Variants in INSYN2B observed in about 807,000 individuals in gnomAD.
The protein encoded by INSYN2B is protein INSYN2B.
A neutral mutation model predicts 41.2 loss-of-function variants in INSYN2B; 16 were observed. The observed-to-expected ratio is 0.39, with a 90% CI of 0.26 to 0.59. INSYN2B has a LOEUF of 0.59. Ranked by LOEUF, INSYN2B falls within the 20% of genes least tolerant of loss-of-function variation. The pLI, the probability that INSYN2B is intolerant of heterozygous loss-of-function variation, is 0.57. For missense variants in INSYN2B, 608 were observed against 646.4 expected, an observed-to-expected ratio of 0.94 and a Z score of 0.64; for synonymous variants, 245 against 244.4, an observed-to-expected ratio of 1.00 and a Z score of -0.02.
intron 3 of INSYN2B, among the ~76,000 whole-genome samples, chr5:169,876,172 G>T (rs1772322168): frequency 6.6e-6 from 1 of 152,076 alleles, no homozygotes; most frequent in African/African-American, 2.4e-5. Context: ...CTCTTTCTCT[G>T]CGGCCCTTGT....
chr5:169,873,452 A>G (rs1380541623), intron 3 of INSYN2B, among the ~76,000 whole-genome samples: 1 of 152,178 alleles, frequency 6.6e-6, no homozygotes, highest in East Asian at 1.9e-4. Context: ...CTCAGTCCAT[A>G]TTGGAATTTG....
intron 1 of INSYN2B, among the ~76,000 whole-genome samples, chr5:169,965,540 C>T (rs1447489510): frequency 7.2e-5 from 11 of 152,178 alleles, no homozygotes. Flanking sequence ...CCCTTAAGAG[C>T]AGTGGTTCCC....
Position 169,883,325 on chromosome 5 carries a change from A to G in INSYN2B, c.574T>C (p.Trp192Arg). ...GCTGTGGCTTTCTCTAAGGACCTCC[A>G]AGTTCCTGCTTCCAAGCATATGCTA... ...PVSICLEAGT[W>R]RSLEKATAAI... is the part of the protein sequence containing the mutation. Residue 192 changes from tryptophan (W) to arginine (R), a missense_variant, in exon 2 of 4, where the codon TGG becomes CGG. Coordinates refer to ENST00000377365, the MANE Select transcript of INSYN2B (RefSeq NM_001129891.3). 2.6e-6 allele frequency: 4 copies of G among 1,551,622 alleles called. No individual in the cohort carries two copies. The highest frequency in any genetic ancestry group is 3.5e-6 in the Non-Finnish European group (4 of 1,146,930).
chr5:169,957,268 C>T (rs766658119), intron 1 of INSYN2B, among the ~76,000 whole-genome samples: 3 of 152,232 alleles, frequency 2.0e-5, no homozygotes, highest in Non-Finnish European at 4.4e-5. Context: ...TAGCCAGGGA[C>T]TTAACTGCTC....
chr5:169,971,201 G>T (rs139038821), intron 1 of INSYN2B, among the ~76,000 whole-genome samples: 2 of 127,716 alleles, frequency 1.6e-5, no homozygotes, highest in Admixed American at 8.0e-5. Context: ...AAAAAAAAAT[G>T]AGTATGACAT....
chr5:169,907,508 T>G (rs756637072), intron 1 of INSYN2B, among the ~76,000 whole-genome samples: 57 of 152,334 alleles, frequency 3.7e-4, no homozygotes, highest in Middle Eastern at 3.4e-3. Flanking sequence ...TTAATGATAA[T>G]GGTAACCACC....
At chr5:169,958,416 C>T (rs924601264) in intron 1 of INSYN2B, among the ~76,000 whole-genome samples, 4 of 152,152 alleles carry the variant, frequency 2.6e-5, no homozygotes, top group African/African-American at 9.7e-5. Context: ...ACTCCATCAT[C>T]CGAATAACAG....
intron 1 of INSYN2B, among the ~76,000 whole-genome samples, chr5:169,955,390 GGAGA>G (rs139569428): frequency 2.6e-5 from 4 of 151,560 alleles, no homozygotes; most frequent in Non-Finnish European, 4.4e-5. Flanking sequence ...TTAAAGGAAG[GGAGA>G]GAGAGAGAGA....
intron 1 of INSYN2B, among the ~76,000 whole-genome samples, chr5:169,945,684 G>A (rs1033579757): frequency 2.0e-5 from 3 of 152,186 alleles, no homozygotes; most frequent in African/African-American, 4.8e-5. Context: ...GGAGTAGAAC[G>A]GAGGCTGGAT....
At chr5:169,864,494 T>C (rs2113422259) in intron 3 of INSYN2B, 35 bp from the exon 4 acceptor site, 1 of 1,461,144 alleles carries the variant, frequency 6.8e-7, no homozygotes, top group East Asian at 2.5e-5. Flanking sequence ...GGAAAGTGAA[T>C]TCGAATCAGC....
intron 3 of INSYN2B, among the ~76,000 whole-genome samples, chr5:169,877,677 T>G (rs940253496): frequency 1.3e-5 from 2 of 152,096 alleles, no homozygotes; most frequent in African/African-American, 4.8e-5. Flanking sequence ...ATAGATAGAT[T>G]GATATAGATA....
chr5:169,865,012 C>G (rs138938074), intron 3 of INSYN2B, among the ~76,000 whole-genome samples: 67 of 152,332 alleles, frequency 4.4e-4, no homozygotes, highest in Non-Finnish European at 7.5e-4. Flanking sequence ...CTATCATCAT[C>G]ATCATTAACA....
intron 1 of INSYN2B, among the ~76,000 whole-genome samples, chr5:169,911,637 C>A (rs1774605774): frequency 6.6e-6 from 1 of 152,200 alleles, no homozygotes; most frequent in Non-Finnish European, 1.5e-5. Flanking sequence ...ATATTCAATT[C>A]TTTTCTGTCT....
At chr5:169,978,701 C>T (rs1017161738) in intron 1 of INSYN2B, among the ~76,000 whole-genome samples, 4 of 152,012 alleles carry the variant, frequency 2.6e-5, no homozygotes, top group Admixed American at 6.6e-5. Context: ...CCCTACGTCC[C>T]GAAGGGCTGA....
intron 1 of INSYN2B, among the ~76,000 whole-genome samples, chr5:169,890,295 T>G (rs945298535): frequency 6.6e-6 from 1 of 152,210 alleles, no homozygotes; most frequent in Non-Finnish European, 1.5e-5. Context: ...TCCAAAGTCC[T>G]AAGCACAGTG....
intron 1 of INSYN2B, among the ~76,000 whole-genome samples, chr5:169,927,624 T>G (rs971939390): frequency 6.6e-6 from 1 of 152,158 alleles, no homozygotes; most frequent in African/African-American, 2.4e-5. Flanking sequence ...TAGGAAAAAT[T>G]CTTGTTTTTT....
chr5:169,958,962 C>A (rs1191823991), intron 1 of INSYN2B, among the ~76,000 whole-genome samples: 4 of 152,152 alleles, frequency 2.6e-5, no homozygotes, highest in African/African-American at 9.7e-5. Flanking sequence ...GAGGCAGGTT[C>A]CTAGAATCCA....
intron 1 of INSYN2B, among the ~76,000 whole-genome samples, chr5:169,893,624 G>C (rs1773422967): frequency 6.6e-6 from 1 of 152,068 alleles, no homozygotes; most frequent in South Asian, 2.1e-4. Flanking sequence ...GAATAGCTCT[G>C]TGTGTCAGAT....
rs190897680 is a variant in INSYN2B at position 169,894,241 on chromosome 5, G to A, written c.-918-9425C>T. Among the ~76,000 whole-genome samples, 546 of 152,316 alleles carry A rather than the reference G, an allele frequency of 3.6e-3. 4 individuals are homozygous for A. Among genetic ancestry groups the A allele is most frequent in the Non-Finnish European group, 5.8e-3 (394 of 68,034 alleles). ...GAGAGGTGCGAGATTTGCCCAAGAT[G>A]AAGGTGGTCTGGCAGGACCAAAAGG... On this transcript the variant is annotated intron_variant, in intron 1 of 3. Coordinates refer to ENST00000377365, the MANE Select transcript of INSYN2B (RefSeq NM_001129891.3).
Sources: allele counts gnomAD v4.1 joint callset (sites outside exome capture counted in the v4.1 genomes callset), GRCh38; gene constraint gnomAD v4.1.1; transcripts MANE v1.5; gene names NCBI Gene and HGNC (gene_info 2026-07-23, HGNC 2026-07-21).